LCP1: variants seen among roughly 807,000 people sequenced by gnomAD.
The protein encoded by LCP1 is lymphocyte cytosolic protein 1, also known as plastin-2.
A neutral mutation model predicts 72.0 loss-of-function variants in LCP1; 23 were observed. The ratio of observed to expected loss-of-function variants is 0.32; its 90% CI spans 0.23 to 0.45. The LOEUF (loss-of-function observed/expected upper bound fraction) is 0.45, where lower values mean the gene tolerates loss of function less well. LCP1 is among the 20% of genes least tolerant of loss of function. The pLI, the probability that LCP1 is intolerant of heterozygous loss-of-function variation, is 1.00. For missense variants in LCP1, 571 were observed against 748.3 expected (o/e 0.76, Z 2.76); for synonymous variants, 245 against 275.4 (o/e 0.89, Z 1.09).
intron 1 of LCP1, among the ~76,000 whole-genome samples, chr13:46,180,672 G>C (rs563426195): frequency 6.6e-6 from 1 of 152,322 alleles, no homozygotes; most frequent in African/African-American, 2.4e-5. Flanking sequence ...ATATGGGGTT[G>C]ATGCTTTAGC....
chr13:46,157,051 A>C (rs2045806551), intron 4 of LCP1, among the ~76,000 whole-genome samples: 1 of 151,442 alleles, frequency 6.6e-6, no homozygotes. Context: ...CGATTTCCTG[A>C]CCTCGTGATC....
chr13:46,180,335 C>T (rs556085152), intron 1 of LCP1, among the ~76,000 whole-genome samples: 1 of 152,256 alleles, frequency 6.6e-6, no homozygotes, highest in South Asian at 2.1e-4. Context: ...CCTGTCCTCT[C>T]CAAGTTAAAT....
Position 46,158,626 on chromosome 13 carries a change from T to C in LCP1, c.254A>G (p.Asp85Gly). The change falls in exon 4 of 16, where the codon GAT becomes GGT. Residue 85 changes from aspartate (D) to glycine (G), a missense_variant. Physicochemically the swap from Asp to Gly is moderately conservative, Grantham distance 94. Transcript: ENST00000323076. ...TGCTTTTCTAAAGGTCTTGGCAACATCTGTGCTTTTTAGGCCATGGAAAAT... is the reference window on the plus strand; with the variant it reads ...TGCTTTTCTAAAGGTCTTGGCAACACCTGTGCTTTTTAGGCCATGGAAAAT... ...IKIFHGLKST[D>G]VAKTFRKAIN... is the part of the protein sequence containing the mutation. The C allele has an allele frequency of 6.2e-7, 1 of 1,614,194 alleles. No individual in the cohort carries two copies. Among genetic ancestry groups the C allele is most frequent in the Non-Finnish European group, 8.5e-7 (1 of 1,180,036 alleles).
chr13:46,177,179 T>C (rs1175029958), intron 1 of LCP1, among the ~76,000 whole-genome samples: 1 of 152,236 alleles, frequency 6.6e-6, no homozygotes. Flanking sequence ...TCCACTAACA[T>C]TTAAAGCAAT....
At chr13:46,142,176 GAAGCTTAGCTT>G in intron 13 of LCP1, 105 bp downstream of exon 13, 1 of 1,030,666 alleles carries the variant, frequency 9.7e-7, no homozygotes, top group Non-Finnish European at 1.4e-6. Context: ...CTCTGGTTAT[GAAGCTTAGCTT>G]AAAACATACT....
In LCP1 at chr13:46,159,587, A is replaced by G; in HGVS notation, c.64+12T>C. 1.9e-6 allele frequency: 3 copies of G among 1,610,974 alleles called. No homozygotes were observed. The highest frequency in any genetic ancestry group is 2.5e-6 in the Non-Finnish European group (3 of 1,177,074). On this transcript the variant is annotated intron_variant, in intron 2 of 15. Coordinates refer to ENST00000323076, the MANE Select transcript of LCP1 (RefSeq NM_002298.5). Reference sequence around the variant, plus strand: ...AGAGAATGATGCAATTTGGGGTACCAGGTCTACTCACCAACTTTGGCAAAA... The same window carrying G: ...AGAGAATGATGCAATTTGGGGTACCGGGTCTACTCACCAACTTTGGCAAAA...
At chr13:46,172,592 G>A (rs115122493) in intron 1 of LCP1, among the ~76,000 whole-genome samples, 2,130 of 152,300 alleles carry the variant, frequency 0.014, 54 homozygotes, top group African/African-American at 0.048. Flanking sequence ...GCTACAGACA[G>A]GGATGCAGGA....
At chr13:46,170,425 T>C (rs978769133) in intron 1 of LCP1, among the ~76,000 whole-genome samples, 1 of 152,212 alleles carries the variant, frequency 6.6e-6, no homozygotes, top group African/African-American at 2.4e-5. Flanking sequence ...GCACTGTTGC[T>C]GTAAAACCTG....
rs142674006 is a variant in LCP1 at position 46,175,643 on chromosome 13, T to C, written c.-25+6468A>G. ...GAAGTATCACAACTGTCATTCTCAG[T>C]GGTCACAGAAAAGAAACAGAATCCA... is the stretch of plus-strand genomic sequence containing the variant. On this transcript the variant is annotated intron_variant, in intron 1 of 15. Coordinates refer to ENST00000323076, the MANE Select transcript of LCP1 (RefSeq NM_002298.5). Among the ~76,000 whole-genome samples, 457 of 152,074 alleles carry C rather than the reference T, an allele frequency of 3.0e-3. 4 individuals carry two copies. The highest frequency in any genetic ancestry group is 0.01 in the African/African-American group (424 of 41,464).
intron 13 of LCP1, among the ~76,000 whole-genome samples, chr13:46,140,373 A>G (rs1020138098): frequency 1.3e-5 from 2 of 152,198 alleles, no homozygotes; most frequent in African/African-American, 4.8e-5. Flanking sequence ...TGTTCCCACC[A>G]GCTGGAGTGG....
At chr13:46,141,692 C>G (rs1473818585) in intron 13 of LCP1, among the ~76,000 whole-genome samples, 1 of 152,054 alleles carries the variant, frequency 6.6e-6, no homozygotes, top group Non-Finnish European at 1.5e-5. Flanking sequence ...AAGCTGAAAT[C>G]ACTCATCACC....
intron 14 of LCP1, among the ~76,000 whole-genome samples, chr13:46,131,227 T>C (rs1469387679): frequency 6.6e-6 from 1 of 152,158 alleles, no homozygotes; most frequent in Admixed American, 6.6e-5. Flanking sequence ...TAGTGGATTG[T>C]GTCAAGCATA....
Position 46,159,167 on chromosome 13 carries a change from A to G in LCP1, c.65-178T>C, listed in dbSNP as rs1253543486. 5.0e-6 allele frequency: 3 copies of G among 602,716 alleles called. No individual in the cohort carries two copies. In the African/African-American group the frequency reaches 5.5e-5, roughly 11 times the overall value. The allele number at this position is 602,716 out of a possible 1,614,324, so 37.3% of individuals were successfully genotyped here. On this transcript the variant is annotated intron_variant, in intron 2 of 15. Transcript: ENST00000323076. Reference sequence around the variant, plus strand: ...ATGACTGTTGCTACTGAATAGGGGCACCAGCATTACTTTCAACATCCACAG... The same window carrying G: ...ATGACTGTTGCTACTGAATAGGGGCGCCAGCATTACTTTCAACATCCACAG...
rs2045598129 is a variant in LCP1, at chr13:46,126,369, T to C, written c.*1222A>G. 3 of 230,454 alleles carry C rather than the reference T, an allele frequency of 1.3e-5. No homozygotes were observed. Among genetic ancestry groups the C allele is most frequent in the Non-Finnish European group, 2.6e-5 (3 of 116,212 alleles). The allele number at this position is 230,454 out of a possible 1,614,324, so 14.3% of individuals were successfully genotyped here. A position where few individuals can be genotyped will look rare whatever the true frequency, so the allele number is the denominator to read the frequency against. On this transcript the variant is annotated 3_prime_UTR_variant, in exon 16 of 16. Transcript: ENST00000323076. The stretch of plus-strand genomic sequence containing the variant: ...AAATTCATACTGTTCTGGTTTTGCT[T>C]TGGAATTCTTTGTCCAGTAAATTAG...
At chr13:46,140,500 A>C (rs573369412) in intron 13 of LCP1, among the ~76,000 whole-genome samples, 69 of 152,352 alleles carry the variant, frequency 4.5e-4, no homozygotes, top group Non-Finnish European at 8.5e-4. Context: ...CAAATGGATC[A>C]AACTGTATTT....
chr13:46,178,526 A>G (rs905209605), intron 1 of LCP1, among the ~76,000 whole-genome samples: 3 of 152,214 alleles, frequency 2.0e-5, no homozygotes, highest in African/African-American at 4.8e-5. Context: ...GAGAGCCTCA[A>G]AATGAAGACC....
At chr13:46,172,227 T>C (rs1047670452) in intron 1 of LCP1, among the ~76,000 whole-genome samples, 1 of 152,194 alleles carries the variant, frequency 6.6e-6, no homozygotes, top group Non-Finnish European at 1.5e-5. Context: ...CTCACGCCTG[T>C]AATCCCTGTA....
At chr13:46,138,739 C>A (rs9316185) in intron 13 of LCP1, among the ~76,000 whole-genome samples, 2,231 of 152,168 alleles carry the variant, frequency 0.015, 52 homozygotes, top group African/African-American at 0.051. Context: ...CTCTGCCTCC[C>A]AGGTTCAAGA....
Position 46,173,899 on chromosome 13 carries a change from C to T in LCP1, c.-25+8212G>A, listed in dbSNP as rs1163474866. Among the ~76,000 whole-genome samples the T allele has an allele frequency of 2.6e-5, 4 of 152,112 alleles. No individual in the cohort carries two copies. In the East Asian group the frequency reaches 7.7e-4, roughly 29 times the overall value. On this transcript the variant is annotated intron_variant, in intron 1 of 15. Transcript: ENST00000323076. ...AATGTACAGCAATCTTAAGAAAAGC[C>T]CAACCACATACACTATGAGCCATGA...
Sources: allele counts gnomAD v4.1 joint callset (sites outside exome capture counted in the v4.1 genomes callset), GRCh38; gene constraint gnomAD v4.1.1; transcripts MANE v1.5; gene names NCBI Gene and HGNC (gene_info 2026-07-23, HGNC 2026-07-21).